The following WDFY4 variants were observed in gnomAD, a reference collection of about 807,000 sequenced individuals.
The protein encoded by WDFY4 is WDFY family member 4.
WDFY4 carries 169 observed loss-of-function variants against 351.9 expected under a neutral mutation model. The observed-to-expected ratio is 0.48, with a 90% CI of 0.42 to 0.55. The LOEUF (loss-of-function observed/expected upper bound fraction) is 0.55. Ranked by LOEUF, WDFY4 falls within the 20% of genes least tolerant of loss-of-function variation. The pLI is 0.00. For synonymous variants in WDFY4, 1,622 were observed against 1,574.6 expected (o/e 1.03, Z -0.71); for missense variants, 3,803 against 3,935.6 (o/e 0.97, Z 0.90).
chr10:48,842,875 C>T (rs2068656388), intron 39 of WDFY4, among the ~76,000 whole-genome samples: 1 of 152,210 alleles, frequency 6.6e-6, no homozygotes, highest in African/African-American at 2.4e-5. Context: ...GTCTCTCTAC[C>T]ATGGGTTCTG....
In WDFY4 at chr10:48,814,098, C is replaced by T. The variant is rs768951743; in HGVS notation, c.5340+16C>T. 1 of 1,532,024 alleles carries T rather than the reference C, an allele frequency of 6.5e-7. No homozygotes were observed. Among genetic ancestry groups the T allele is most frequent in the Admixed American group, 2.1e-5 (1 of 48,564 alleles). 94.9% of individuals were successfully genotyped at this position (1,532,024 alleles called of 1,614,324 possible). ...CATGAGCCAGGTGAGACCCATTCCC[C>T]ACATGCTGCCCCGAGGAGGTTCTGA... On this transcript the variant is annotated intron_variant, in intron 31 of 61. Transcript: ENST00000325239.
chr10:48,749,305 C>T (rs147596464), intron 12 of WDFY4, among the ~76,000 whole-genome samples: 1 of 152,148 alleles, frequency 6.6e-6, no homozygotes, highest in Non-Finnish European at 1.5e-5. Flanking sequence ...CTACACCAAA[C>T]ACACTATATA....
chr10:48,692,713 C>A (rs1490822733), intron 1 of WDFY4, among the ~76,000 whole-genome samples: 3 of 152,200 alleles, frequency 2.0e-5, no homozygotes, highest in African/African-American at 4.8e-5. Flanking sequence ...CCTTGTGTGG[C>A]CTGCCTGACT....
chr10:48,894,873 G>T (rs1836993305), intron 44 of WDFY4, among the ~76,000 whole-genome samples: 1 of 152,212 alleles, frequency 6.6e-6, no homozygotes, highest in South Asian at 2.1e-4. Flanking sequence ...GCCTTACTGG[G>T]AGTCAGAGAT....
At chr10:48,883,454 G>A (rs1016328964) in intron 43 of WDFY4, among the ~76,000 whole-genome samples, 8 of 152,166 alleles carry the variant, frequency 5.3e-5, no homozygotes, top group African/African-American at 1.9e-4. Context: ...CTATGTTGAG[G>A]CATTTTTTAG....
chr10:48,761,178 G>A (rs1335506625), intron 13 of WDFY4, among the ~76,000 whole-genome samples: 1 of 152,102 alleles, frequency 6.6e-6, no homozygotes, highest in Admixed American at 6.5e-5. Flanking sequence ...TGCTGTTGGT[G>A]GCTAGGGGAG....
intron 13 of WDFY4, among the ~76,000 whole-genome samples, chr10:48,766,973 A>G (rs1409850171): frequency 6.6e-6 from 1 of 152,224 alleles, no homozygotes; most frequent in Non-Finnish European, 1.5e-5. Flanking sequence ...TTAATTAAGG[A>G]GACATGAAAC....
intron 12 of WDFY4, among the ~76,000 whole-genome samples, chr10:48,747,836 C>T (rs2065060941): frequency 6.6e-6 from 1 of 152,100 alleles, no homozygotes; most frequent in Non-Finnish European, 1.5e-5. Flanking sequence ...CATGGAAGGT[C>T]CCTTGTATGA....
chr10:48,859,334 A>G (rs1210755456), intron 39 of WDFY4, among the ~76,000 whole-genome samples: 1 of 152,202 alleles, frequency 6.6e-6, no homozygotes, highest in Non-Finnish European at 1.5e-5. Context: ...TTATCACTAA[A>G]TAAGATGTTA....
chr10:48,914,293 G>T (rs1186509047), intron 47 of WDFY4: 2 of 896,614 alleles, frequency 2.2e-6, no homozygotes, highest in African/African-American at 1.7e-5. Flanking sequence ...GCTCCCCCAC[G>T]TCATGACGCT....
Position 48,726,080 on chromosome 10 carries a change from G to T in WDFY4, c.781+10G>T. ...ATCCAGTACCTGCAGGGTATGGCCC[G>T]GGAAATTAGATGTGGGCTGTGGGCC... On this transcript the variant is annotated intron_variant, in intron 6 of 61. Transcript: ENST00000325239. 6.5e-7 allele frequency: 1 copy of T among 1,532,396 alleles called. No homozygotes were observed. Among genetic ancestry groups the T allele is most frequent in the South Asian group, 1.2e-5 (1 of 83,666 alleles). The allele number at this position is 1,532,396 out of a possible 1,614,324, so 94.9% of individuals were successfully genotyped here.
intron 43 of WDFY4, among the ~76,000 whole-genome samples, chr10:48,880,042 T>C (rs1380115310): frequency 6.6e-6 from 1 of 152,204 alleles, no homozygotes; most frequent in South Asian, 2.1e-4. Context: ...AGTGTGGGTG[T>C]TGGATGGGAC....
chr10:48,870,700 G>A (rs1337795115), intron 40 of WDFY4, among the ~76,000 whole-genome samples: 1 of 152,160 alleles, frequency 6.6e-6, no homozygotes, highest in African/African-American at 2.4e-5. Flanking sequence ...AGAAACATGG[G>A]CATTTCAGAG....
At chr10:48,824,955 T>G (rs1263860736) in intron 35 of WDFY4, among the ~76,000 whole-genome samples, 1 of 152,186 alleles carries the variant, frequency 6.6e-6, no homozygotes, top group Non-Finnish European at 1.5e-5. Context: ...CATGTCACTT[T>G]TATTTTTATT....
At chr10:48,712,231 A>C (rs1054021662) in intron 2 of WDFY4, among the ~76,000 whole-genome samples, 2 of 152,248 alleles carry the variant, frequency 1.3e-5, no homozygotes, top group Non-Finnish European at 2.9e-5. Context: ...GTTATCCATA[A>C]AGTAGAATTA....
At chr10:48,963,005 C>T (rs1367184239) in intron 53 of WDFY4, among the ~76,000 whole-genome samples, 2 of 152,192 alleles carry the variant, frequency 1.3e-5, no homozygotes, top group Non-Finnish European at 2.9e-5. Flanking sequence ...GATGCCCACA[C>T]CCATGTCCAG....
chr10:48,894,545 T>A (rs988325755), intron 44 of WDFY4, among the ~76,000 whole-genome samples: 4 of 152,290 alleles, frequency 2.6e-5, no homozygotes, highest in Admixed American at 2.6e-4. Context: ...AAGGTTTCCT[T>A]ATGAGGATCC....
intron 1 of WDFY4, among the ~76,000 whole-genome samples, chr10:48,686,049 C>T (rs1283011210): frequency 6.6e-6 from 1 of 151,752 alleles, no homozygotes; most frequent in Non-Finnish European, 1.5e-5. Context: ...TGTGGCAGAG[C>T]CGGGTAAGGG....
chr10:48,806,180 T>G, intron 27 of WDFY4, 85 bp downstream of exon 27: 1 of 1,400,342 alleles, frequency 7.1e-7, no homozygotes, highest in Non-Finnish European at 9.9e-7. Context: ...AGGGAGGGGC[T>G]AAGTAAGGAA....
Sources: gnomAD v4.1 joint callset for allele counts (sites outside exome capture counted in the v4.1 genomes callset) on GRCh38, gnomAD v4.1.1 for gene constraint, MANE v1.5 for transcripts, NCBI Gene and HGNC (gene_info 2026-07-23, HGNC 2026-07-21) for gene names.